Variants in LRRC28 observed in about 807,000 individuals in gnomAD.
LRRC28 encodes leucine rich repeat containing 28.
Under a neutral mutation model 45.7 loss-of-function variants are expected in LRRC28, and 39 were observed. The ratio of observed to expected loss-of-function variants is 0.85; its 90% CI spans 0.66 to 1.12. The LOEUF (loss-of-function observed/expected upper bound fraction) is 1.12. Among genes scored for constraint, LRRC28 ranks in the 50% most tolerant of loss-of-function variants. The probability of loss-of-function intolerance (pLI) is 0.00; values close to 1 mark genes in which losing one functional copy is unlikely to be tolerated. For synonymous variants in LRRC28, 206 were observed against 178.8 expected (o/e 1.15, Z -1.22); for missense variants, 435 against 438.5 (o/e 0.99, Z 0.07).
intron 6 of LRRC28, among the ~76,000 whole-genome samples, chr15:99,335,314 C>T (rs1161899610): frequency 1.3e-5 from 2 of 152,182 alleles, no homozygotes; most frequent in African/African-American, 2.4e-5. Flanking sequence ...TCACCAGAAC[C>T]TCTCTGAGCT....
chr15:99,387,104 AGGCT>A lies in LRRC28; in HGVS notation c.*1005_*1008del, dbSNP rs1958024416. 1 of 151,606 alleles carries A rather than the reference AGGCT, an allele frequency of 6.6e-6. No individual in the cohort carries two copies. The highest frequency in any genetic ancestry group is 1.5e-5 in the Non-Finnish European group (1 of 67,936). 9.4% of individuals were successfully genotyped at this position (151,606 alleles called of 1,614,324 possible). A position where few individuals can be genotyped will look rare whatever the true frequency, so the allele number is the denominator to read the frequency against. On this transcript the variant is annotated 3_prime_UTR_variant, in exon 10 of 10. Transcript: ENST00000301981. ...GAGACGGAGTCTCGCTCTGTCGCCC[AGGCT>A]GGAGTGCAGTGGCGGGATCTCGGCT...
intron 9 of LRRC28, among the ~76,000 whole-genome samples, chr15:99,378,049 C>G (rs1002181843): frequency 6.6e-6 from 1 of 152,064 alleles, no homozygotes. Context: ...TCCATATGAA[C>G]TTTAAAGTAG....
At chr15:99,307,301 T>C (rs1955221747) in intron 5 of LRRC28, among the ~76,000 whole-genome samples, 1 of 152,180 alleles carries the variant, frequency 6.6e-6, no homozygotes, top group Non-Finnish European at 1.5e-5. Flanking sequence ...GGATTTAATA[T>C]AAACTGAAGT....
chr15:99,350,071 G>A (rs928996913), intron 6 of LRRC28, among the ~76,000 whole-genome samples: 5 of 150,480 alleles, frequency 3.3e-5, no homozygotes, highest in Admixed American at 2.7e-4. Flanking sequence ...GGGAAGCGGA[G>A]CTTGCAGTGA....
At chr15:99,258,672 A>T in intron 2 of LRRC28, 2 of 733,848 alleles carry the variant, frequency 2.7e-6, no homozygotes, top group Non-Finnish European at 5.0e-6. Context: ...GAAGTAGAAG[A>T]TGAATACAAA....
At chr15:99,272,246 T>G (rs2081501944) in intron 2 of LRRC28, among the ~76,000 whole-genome samples, 1 of 152,196 alleles carries the variant, frequency 6.6e-6, no homozygotes, top group Non-Finnish European at 1.5e-5. Flanking sequence ...TTGTCTACAC[T>G]GTACTAGTCT....
chr15:99,335,928 C>G (rs1355506183), intron 6 of LRRC28, among the ~76,000 whole-genome samples: 1 of 152,090 alleles, frequency 6.6e-6, no homozygotes, highest in Non-Finnish European at 1.5e-5. Flanking sequence ...CACCAGAGTT[C>G]AGAGTAAAGT....
intron 6 of LRRC28, among the ~76,000 whole-genome samples, chr15:99,350,408 C>G (rs946553534): frequency 6.6e-6 from 1 of 152,210 alleles, no homozygotes; most frequent in Non-Finnish European, 1.5e-5. Context: ...GGAACTCTTT[C>G]TTACCTTAAC....
intron 5 of LRRC28, among the ~76,000 whole-genome samples, chr15:99,292,095 A>C (rs999601870): frequency 6.6e-6 from 1 of 152,096 alleles, no homozygotes; most frequent in Non-Finnish European, 1.5e-5. Flanking sequence ...GAGCTCTTTG[A>C]GTCCTGCTGC....
chr15:99,319,299 A>G (rs1193468830), intron 5 of LRRC28, among the ~76,000 whole-genome samples: 1 of 152,150 alleles, frequency 6.6e-6, no homozygotes, highest in East Asian at 1.9e-4. Flanking sequence ...GACCATCGCT[A>G]AAATAAAACA....
chr15:99,311,483 T>G (rs1955408136), intron 5 of LRRC28, among the ~76,000 whole-genome samples: 1 of 152,224 alleles, frequency 6.6e-6, no homozygotes, highest in Non-Finnish European at 1.5e-5. Context: ...TTCTTCCTGT[T>G]GTTGATTTTC....
At chr15:99,321,707 A>T (rs1955803628) in intron 5 of LRRC28, among the ~76,000 whole-genome samples, 1 of 152,206 alleles carries the variant, frequency 6.6e-6, no homozygotes, top group Admixed American at 6.5e-5. Flanking sequence ...CCACTGAACA[A>T]GTGAGGTAGT....
intron 2 of LRRC28, chr15:99,258,278 C>T: frequency 6.4e-7 from 1 of 1,554,446 alleles, no homozygotes; most frequent in East Asian, 2.2e-5. Flanking sequence ...CAACGATACC[C>T]AGTACATCTG....
At position 99,329,787 on chromosome 15, in the gene LRRC28, A is replaced by G. The variant is rs1366209331; in HGVS notation, c.386-4136A>G. Among the ~76,000 whole-genome samples the G allele has an allele frequency of 2.6e-4, 40 of 152,204 alleles. 1 individual carries two copies. The highest frequency in any genetic ancestry group is 2.6e-3 in the Admixed American group (40 of 15,282). On this transcript the variant is annotated intron_variant, in intron 5 of 9. Coordinates refer to ENST00000301981, the MANE Select transcript of LRRC28 (RefSeq NM_144598.5). ...CGTCAGAAGACTTAGGTTGTTCATC[A>G]TGGTATTTCATGCAGCTGACTGCAG...
At chr15:99,288,170 A>T (rs1217162774) in intron 5 of LRRC28, among the ~76,000 whole-genome samples, 1 of 152,218 alleles carries the variant, frequency 6.6e-6, no homozygotes, top group Non-Finnish European at 1.5e-5. Flanking sequence ...AGCTACAATT[A>T]CTACAATTGT....
chr15:99,254,571 TG>T (rs2080961082), intron 1 of LRRC28, among the ~76,000 whole-genome samples: 1 of 152,246 alleles, frequency 6.6e-6, no homozygotes, highest in South Asian at 2.1e-4. Flanking sequence ...TCTTTGTAGT[TG>T]TTTCAGCATT....
intron 3 of LRRC28, among the ~76,000 whole-genome samples, chr15:99,281,353 G>C (rs1404681498): frequency 6.6e-6 from 1 of 152,192 alleles, no homozygotes; most frequent in East Asian, 1.9e-4. Flanking sequence ...CTGGGCTCAA[G>C]TGATCCTCCT....
At chr15:99,257,936 A>G in intron 2 of LRRC28, 1 of 772,294 alleles carries the variant, frequency 1.3e-6, no homozygotes, top group Non-Finnish European at 2.4e-6. Context: ...TTTTCCTTAG[A>G]GAACTGATTC....
chr15:99,326,874 T>G (rs62023809), intron 5 of LRRC28, among the ~76,000 whole-genome samples: 19,939 of 152,222 alleles, frequency 0.13, 1,391 homozygotes, highest in Non-Finnish European at 0.17. Flanking sequence ...TTTTGTATGG[T>G]TTTAGTATCA....
Sources: allele counts gnomAD v4.1 joint callset (sites outside exome capture counted in the v4.1 genomes callset), GRCh38; gene constraint gnomAD v4.1.1; transcripts MANE v1.5; gene names NCBI Gene and HGNC (gene_info 2026-07-23, HGNC 2026-07-21).